Variants in PLPP4 observed in about 807,000 individuals in gnomAD.
The protein encoded by PLPP4 is phospholipid phosphatase 4, also known as diacylglycerol pyrophosphate like 2.
PLPP4 carries 20 observed loss-of-function variants against 32.2 expected under a neutral mutation model. That is an observed-to-expected ratio of 0.62 (90% CI 0.44 to 0.90). PLPP4 has a LOEUF of 0.90. PLPP4 is among the 40% of genes least tolerant of loss of function. PLPP4 has a pLI of 0.00. For synonymous variants in PLPP4, 127 were observed against 133.0 expected, an observed-to-expected ratio of 0.95 and a Z score of 0.31; for missense variants, 257 against 353.1, an observed-to-expected ratio of 0.73 and a Z score of 2.18.
intron 1 of PLPP4, among the ~76,000 whole-genome samples, chr10:120,494,918 G>C (rs1432872168): frequency 2.0e-5 from 3 of 152,180 alleles, no homozygotes; most frequent in Non-Finnish European, 4.4e-5. Context: ...TCATATCTCT[G>C]TATCTCTAAT....
At chr10:120,472,054 A>T (rs1164698055) in intron 1 of PLPP4, among the ~76,000 whole-genome samples, 3 of 152,120 alleles carry the variant, frequency 2.0e-5, no homozygotes, top group South Asian at 2.1e-4. Flanking sequence ...ATTGTTATAG[A>T]TTTTACTTCT....
At chr10:120,529,513 A>G (rs184325156) in intron 5 of PLPP4, among the ~76,000 whole-genome samples, 8 of 150,820 alleles carry the variant, frequency 5.3e-5, no homozygotes, top group African/African-American at 1.4e-4. Context: ...TTTGATTTCT[A>G]TGAAAAAAAG....
chr10:120,554,749 A>G (rs1411197716), intron 5 of PLPP4, among the ~76,000 whole-genome samples: 1 of 151,758 alleles, frequency 6.6e-6, no homozygotes, highest in Non-Finnish European at 1.5e-5. Context: ...AGTAGGAGGA[A>G]GAGAGTGAAG....
intron 6 of PLPP4, among the ~76,000 whole-genome samples, chr10:120,576,921 TC>T (rs941479719): frequency 5.9e-5 from 9 of 152,324 alleles, no homozygotes; most frequent in African/African-American, 2.2e-4. Context: ...TTAGGGCATT[TC>T]CCCATGAAGA....
At position 120,470,212 on chromosome 10, in the gene PLPP4, G is replaced by A. The variant is rs961899791; in HGVS notation, c.56+12851G>A. Reference sequence around the variant, plus strand: ...TTCTCTATGTTTAGTGTTGAGCATCGTTTCACAAGCGTATTGGCAATTTGT... The same window carrying A: ...TTCTCTATGTTTAGTGTTGAGCATCATTTCACAAGCGTATTGGCAATTTGT... On this transcript the variant is annotated intron_variant, in intron 1 of 6. Coordinates refer to ENST00000398250, the MANE Select transcript of PLPP4 (RefSeq NM_001030059.3). Among the ~76,000 whole-genome samples the A allele has an allele frequency of 9.2e-5, 14 of 152,204 alleles. No homozygotes were observed. The East Asian group carries it at 1.2e-3, about 13-fold the overall frequency.
chr10:120,459,009 T>C (rs1024651327), intron 1 of PLPP4, among the ~76,000 whole-genome samples: 3 of 152,142 alleles, frequency 2.0e-5, no homozygotes, highest in Non-Finnish European at 4.4e-5. Context: ...TAAAAAAGGG[T>C]CCAACAATAT....
At chr10:120,490,157 C>T (rs1844650808) in intron 1 of PLPP4, among the ~76,000 whole-genome samples, 1 of 152,194 alleles carries the variant, frequency 6.6e-6, no homozygotes, top group East Asian at 1.9e-4. Context: ...TCCGGTTGTA[C>T]CAAACAGGCA....
rs566474100 is a variant in PLPP4 at position 120,552,290 on chromosome 10, C to G, written c.446-22841C>G. Among the ~76,000 whole-genome samples the G allele has an allele frequency of 4.0e-4, 61 of 151,566 alleles. 1 individual carries two copies. Among genetic ancestry groups the G allele is most frequent in the African/African-American group, 1.4e-3 (57 of 41,360 alleles). ...ATTCATTGAAAAAAGCTTGTATCAC[C>G]AGAGAGAATAAGGCATCTTTCTCTA... On this transcript the variant is annotated intron_variant, in intron 5 of 6. Coordinates refer to ENST00000398250, the MANE Select transcript of PLPP4 (RefSeq NM_001030059.3).
At chr10:120,542,029 T>C (rs1847368990) in intron 5 of PLPP4, among the ~76,000 whole-genome samples, 1 of 152,202 alleles carries the variant, frequency 6.6e-6, no homozygotes, top group Admixed American at 6.5e-5. Context: ...ATTAAGTCAT[T>C]CTTGAAAGTC....
intron 5 of PLPP4, among the ~76,000 whole-genome samples, chr10:120,543,475 G>C (rs565285135): frequency 6.6e-6 from 1 of 152,232 alleles, no homozygotes; most frequent in South Asian, 2.1e-4. Context: ...ATCAAGTCCA[G>C]ATTGGCAGAT....
rs1011304523 is a variant in PLPP4 at position 120,504,904 on chromosome 10, G to A, written c.165+978G>A. On this transcript the variant is annotated intron_variant, in intron 2 of 6. Transcript: ENST00000398250. Reference sequence around the variant, plus strand: ...TGCTTCAACCTCTTGAGAGTGTCTTGTGTCTCTCTCCTTCTAGAATAAATG... The same window carrying A: ...TGCTTCAACCTCTTGAGAGTGTCTTATGTCTCTCTCCTTCTAGAATAAATG... 7.9e-5 allele frequency among the ~76,000 whole-genome samples: 12 copies of A among 152,226 alleles called. No homozygotes were observed. In the South Asian group the frequency reaches 1.0e-3, roughly 13 times the overall value.
rs375233573 is a variant in PLPP4 at position 120,583,971 on chromosome 10, G to A, written c.617-5332G>A. Among the ~76,000 whole-genome samples the A allele has an allele frequency of 4.6e-5, 7 of 152,308 alleles. No homozygotes were observed. The East Asian group carries it at 1.4e-3, about 29-fold the overall frequency. Reference sequence around the variant, plus strand: ...TGGTCCATGCTGAGGGCTCCACAGAGCCACAAAGGGACATGGAAAACATTC... The same window carrying A: ...TGGTCCATGCTGAGGGCTCCACAGAACCACAAAGGGACATGGAAAACATTC... On this transcript the variant is annotated intron_variant, in intron 6 of 6. Transcript: ENST00000398250.
intron 6 of PLPP4, among the ~76,000 whole-genome samples, chr10:120,580,574 G>A (rs1031185214): frequency 5.3e-5 from 8 of 151,136 alleles, no homozygotes; most frequent in Non-Finnish European, 1.2e-4. Flanking sequence ...TAAGCCTTAC[G>A]CTGAGTAACA....
intron 1 of PLPP4, among the ~76,000 whole-genome samples, chr10:120,484,257 C>T (rs1844340598): frequency 6.6e-6 from 1 of 152,186 alleles, no homozygotes; most frequent in African/African-American, 2.4e-5. Flanking sequence ...TTCCCTTTTA[C>T]CTAACAGTAT....
intron 6 of PLPP4, among the ~76,000 whole-genome samples, chr10:120,588,861 C>T (rs1212400057): frequency 6.6e-6 from 1 of 152,156 alleles, no homozygotes; most frequent in Non-Finnish European, 1.5e-5. Context: ...GCCTGGCCAA[C>T]AGGGTGAAAC....
chr10:120,574,941 A>G (rs1346887672), intron 5 of PLPP4, among the ~76,000 whole-genome samples, 190 bp from the exon 6 acceptor site: 1 of 151,454 alleles, frequency 6.6e-6, no homozygotes, highest in East Asian at 1.9e-4. Flanking sequence ...ACCCTGGAAG[A>G]TTATTCTTAT....
chr10:120,547,295 C>T (rs1197137049), intron 5 of PLPP4, among the ~76,000 whole-genome samples: 10 of 151,830 alleles, frequency 6.6e-5, no homozygotes, highest in Admixed American at 1.3e-4. Context: ...AATTAGAGGG[C>T]AAATCATAAC....
intron 1 of PLPP4, among the ~76,000 whole-genome samples, chr10:120,490,042 T>C (rs1186356016): frequency 1.3e-5 from 2 of 152,214 alleles, no homozygotes; most frequent in African/African-American, 4.8e-5. Flanking sequence ...CCATTCTGCC[T>C]GAGGCCACTG....
At chr10:120,546,447 C>T (rs1847624506) in intron 5 of PLPP4, among the ~76,000 whole-genome samples, 2 of 152,194 alleles carry the variant, frequency 1.3e-5, no homozygotes, top group Admixed American at 1.3e-4. Context: ...CTCAGAATCA[C>T]TCATCAATTC....
Sources: allele counts gnomAD v4.1 joint callset (sites outside exome capture counted in the v4.1 genomes callset), GRCh38; gene constraint gnomAD v4.1.1; transcripts MANE v1.5; gene names NCBI Gene and HGNC (gene_info 2026-07-23, HGNC 2026-07-21).